SGCD: variants seen among roughly 807,000 people sequenced by gnomAD.
SGCD encodes the protein delta-sarcoglycan.
SGCD carries 18 observed loss-of-function variants against 36.6 expected under a neutral mutation model. The ratio of observed to expected loss-of-function variants is 0.49; its 90% confidence interval spans 0.34 to 0.73. The LOEUF (loss-of-function observed/expected upper bound fraction) is 0.73, where lower values mean the gene tolerates loss of function less well. Among genes scored for constraint, SGCD ranks in the 30% least tolerant of loss-of-function variants. SGCD has a pLI of 0.01. For synonymous variants in SGCD, 133 were observed against 130.6 expected, an observed-to-expected ratio of 1.02 and a Z score of -0.12; for missense variants, 387 against 346.7, an observed-to-expected ratio of 1.12 and a Z score of -0.92.
chr5:155,969,391 GC>G (rs2127559107), intron 1 of SGCD, among the ~76,000 whole-genome samples: 1 of 152,212 alleles, frequency 6.6e-6, no homozygotes, highest in Non-Finnish European at 1.5e-5. Context: ...ATCCTACAGA[GC>G]TGAACATGTA....
chr5:156,744,843 C>A (rs1226819290), intron 7 of SGCD, among the ~76,000 whole-genome samples: 1 of 152,112 alleles, frequency 6.6e-6, no homozygotes, highest in Admixed American at 6.6e-5. Flanking sequence ...TTTTATCATA[C>A]CATGTCAAGT....
chr5:156,654,147 A>C (rs1337210322), intron 7 of SGCD, among the ~76,000 whole-genome samples: 1 of 152,184 alleles, frequency 6.6e-6, no homozygotes, highest in Non-Finnish European at 1.5e-5. Context: ...CAAGGGGATT[A>C]TAGGAGAACA....
intron 1 of SGCD, among the ~76,000 whole-genome samples, chr5:156,035,565 G>C (rs918054453): frequency 3.9e-5 from 6 of 152,092 alleles, no homozygotes; most frequent in African/African-American, 1.4e-4. Context: ...AGCCATGATT[G>C]TGCCACTGAA....
chr5:156,698,661 G>C (rs977503633), intron 7 of SGCD, among the ~76,000 whole-genome samples: 2 of 152,188 alleles, frequency 1.3e-5, no homozygotes, highest in Admixed American at 6.5e-5. Flanking sequence ...TTGCTTCAGA[G>C]AAGCAGAGTC....
intron 3 of SGCD, among the ~76,000 whole-genome samples, chr5:156,212,422 A>G (rs1270406876): frequency 6.6e-6 from 1 of 152,222 alleles, no homozygotes; most frequent in Non-Finnish European, 1.5e-5. Context: ...TATAGTGATA[A>G]AGGTATCAGT....
chr5:156,757,627 G>A lies in SGCD; in HGVS notation c.622G>A (p.Val208Met), dbSNP rs752456672. ...RSLVMEAPKG[V>M]EINAEAGNME... Reference sequence around the variant, plus strand: ...TCTAGTGATGGAGGCCCCAAAAGGAGTGGAAATCAATGCAGAAGCTGGCAA... The same window carrying A: ...TCTAGTGATGGAGGCCCCAAAAGGAATGGAAATCAATGCAGAAGCTGGCAA... The change falls in exon 8 of 9, where the codon GTG (valine) becomes ATG (methionine). Residue 208 changes from valine to methionine, a missense_variant. Transcript: ENST00000337851. 6.2e-7 allele frequency: 1 copy of A among 1,611,924 alleles called. No individual in the cohort carries two copies. Among genetic ancestry groups the A allele is most frequent in the Non-Finnish European group, 8.5e-7 (1 of 1,179,048 alleles).
chr5:156,021,716 G>A (rs1759102943), intron 1 of SGCD, among the ~76,000 whole-genome samples: 1 of 152,070 alleles, frequency 6.6e-6, no homozygotes, highest in African/African-American at 2.4e-5. Context: ...AGGGTGTACA[G>A]TGGGAAGAGC....
intron 3 of SGCD, among the ~76,000 whole-genome samples, chr5:156,450,211 A>T (rs1367867429): frequency 6.6e-6 from 1 of 152,080 alleles, no homozygotes; most frequent in Non-Finnish European, 1.5e-5. Flanking sequence ...TGGAGATTGG[A>T]TTTGCCACCT....
chr5:155,825,608 T>C, the SGCD span, among the ~76,000 whole-genome samples: 6 of 152,214 alleles, frequency 3.9e-5, no homozygotes, highest in East Asian at 1.2e-3. Flanking sequence ...GTCAGAGAGG[T>C]GTGAGAATTT....
intron 8 of SGCD, among the ~76,000 whole-genome samples, chr5:156,758,969 G>A (rs1009384564): frequency 2.6e-5 from 4 of 152,110 alleles, no homozygotes; most frequent in African/African-American, 4.8e-5. Context: ...TTTACATTCT[G>A]TATGACATTT....
At chr5:155,884,456 A>G (rs1755961605) in intron 1 of SGCD, among the ~76,000 whole-genome samples, 1 of 152,220 alleles carries the variant, frequency 6.6e-6, no homozygotes. Flanking sequence ...AATATTATAG[A>G]AACAGTATTG....
chr5:155,893,792 G>T (rs1208337517), intron 1 of SGCD, among the ~76,000 whole-genome samples: 1 of 152,204 alleles, frequency 6.6e-6, no homozygotes, highest in South Asian at 2.1e-4. Context: ...TCGTTGTTGT[G>T]CTAACATAAT....
intron 1 of SGCD, among the ~76,000 whole-genome samples, chr5:155,995,613 T>G (rs936758975): frequency 6.6e-6 from 1 of 152,168 alleles, no homozygotes; most frequent in Non-Finnish European, 1.5e-5. Context: ...AAAGCAGGAA[T>G]CAACCCGATA....
intron 7 of SGCD, among the ~76,000 whole-genome samples, chr5:156,668,773 AC>A (rs1258116715): frequency 1.3e-5 from 2 of 152,276 alleles, no homozygotes; most frequent in East Asian, 3.9e-4. Context: ...AGAAGATGGG[AC>A]ATATAGGAAA....
chr5:155,947,659 C>A (rs1216066412), intron 1 of SGCD, among the ~76,000 whole-genome samples: 2 of 152,044 alleles, frequency 1.3e-5, no homozygotes, highest in Non-Finnish European at 2.9e-5. Flanking sequence ...TAAAGAAGTA[C>A]TTTTGAAAAC....
intron 1 of SGCD, among the ~76,000 whole-genome samples, chr5:156,022,875 T>C (rs944138861): frequency 3.3e-5 from 5 of 152,334 alleles, no homozygotes; most frequent in African/African-American, 1.2e-4. Context: ...GAAAATAATC[T>C]TCTGCTGTCA....
At chr5:155,881,679 C>T (rs1280050053) in intron 1 of SGCD, among the ~76,000 whole-genome samples, 1 of 152,164 alleles carries the variant, frequency 6.6e-6, no homozygotes, top group Non-Finnish European at 1.5e-5. Context: ...CATAGCATGC[C>T]ATGCTGTTTG....
chr5:156,463,824 A>G (rs1459598053), intron 3 of SGCD, among the ~76,000 whole-genome samples: 1 of 152,076 alleles, frequency 6.6e-6, no homozygotes, highest in Non-Finnish European at 1.5e-5. Flanking sequence ...GCAAGACCTC[A>G]TATCTCAAAA....
chr5:156,059,898 T>C (rs1225657786), intron 1 of SGCD, among the ~76,000 whole-genome samples: 1 of 146,756 alleles, frequency 6.8e-6, no homozygotes, highest in Non-Finnish European at 1.5e-5. Flanking sequence ...TCCTCTTTTC[T>C]TTTTAGCTGC....
Sources: gnomAD v4.1 joint callset for allele counts (sites outside exome capture counted in the v4.1 genomes callset) on GRCh38, gnomAD v4.1.1 for gene constraint, MANE v1.5 for transcripts, NCBI Gene and HGNC (gene_info 2026-07-23, HGNC 2026-07-21) for gene names.